LINGO2: variants seen among roughly 807,000 people sequenced by gnomAD.
LINGO2 encodes the protein leucine-rich repeat and immunoglobulin-like domain-containing nogo receptor-interacting protein 2.
Under a neutral mutation model 30.6 loss-of-function variants are expected in LINGO2, and 14 were observed. That is an observed-to-expected ratio of 0.46 (90% CI 0.30 to 0.72). The LOEUF is 0.72. LINGO2 is among the 30% of genes least tolerant of loss of function. LINGO2 has a pLI of 0.07. For synonymous variants in LINGO2, 317 were observed against 288.5 expected, an observed-to-expected ratio of 1.10 and a Z score of -1.00; for missense variants, 729 against 751.7, an observed-to-expected ratio of 0.97 and a Z score of 0.35.
intron 4 of LINGO2, among the ~76,000 whole-genome samples, chr9:28,027,582 A>G (rs1823444863): frequency 6.6e-6 from 1 of 152,154 alleles, no homozygotes; most frequent in Non-Finnish European, 1.5e-5. Flanking sequence ...GAGGCAGACA[A>G]CCCATGTTTC....
chr9:29,166,265 T>C, the LINGO2 span, among the ~76,000 whole-genome samples: 1 of 152,154 alleles, frequency 6.6e-6, no homozygotes, highest in East Asian at 1.9e-4. Flanking sequence ...GTGGATGTGA[T>C]CTTAGTTATT....
chr9:29,114,912 T>G, the LINGO2 span, among the ~76,000 whole-genome samples: 1 of 152,116 alleles, frequency 6.6e-6, no homozygotes, highest in Non-Finnish European at 1.5e-5. Context: ...TATCATCACT[T>G]ACAAAAGTAT....
chr9:28,264,803 C>T (rs1822688313), intron 4 of LINGO2, among the ~76,000 whole-genome samples: 2 of 151,948 alleles, frequency 1.3e-5, no homozygotes, highest in African/African-American at 2.4e-5. Flanking sequence ...TACTTAAACA[C>T]TAGTCTAAAT....
At chr9:27,994,977 T>G (rs1194031373) in intron 5 of LINGO2, among the ~76,000 whole-genome samples, 4 of 152,258 alleles carry the variant, frequency 2.6e-5, no homozygotes, top group African/African-American at 9.6e-5. Context: ...AATTAGTCAC[T>G]TGGCAGAATA....
chr9:28,639,153 GT>G (rs1282977065), intron 1 of LINGO2, among the ~76,000 whole-genome samples: 1 of 152,116 alleles, frequency 6.6e-6, no homozygotes, highest in Non-Finnish European at 1.5e-5. Context: ...TTAATCCTGA[GT>G]TCTAGTTTCA....
At chr9:28,547,134 C>T (rs553989984) in intron 1 of LINGO2, among the ~76,000 whole-genome samples, 108 of 152,224 alleles carry the variant, frequency 7.1e-4, no homozygotes, top group African/African-American at 2.6e-3. Flanking sequence ...TATTCCACTG[C>T]TTTTTGCCAG....
At chr9:28,589,231 A>G (rs1447197678) in intron 1 of LINGO2, among the ~76,000 whole-genome samples, 1 of 152,116 alleles carries the variant, frequency 6.6e-6, no homozygotes, top group Non-Finnish European at 1.5e-5. Flanking sequence ...TTCCCTTTGA[A>G]AACCAGCACA....
At chr9:28,904,765 T>C in the LINGO2 span, among the ~76,000 whole-genome samples, 1 of 152,108 alleles carries the variant, frequency 6.6e-6, no homozygotes, top group Admixed American at 6.6e-5. Flanking sequence ...AAAATGTGCA[T>C]ACTACCCAAA....
the LINGO2 span, among the ~76,000 whole-genome samples, chr9:28,793,718 A>G: frequency 6.6e-6 from 1 of 152,216 alleles, no homozygotes; most frequent in African/African-American, 2.4e-5. Flanking sequence ...TGAATAAAAT[A>G]TTCTATGTCT....
intron 2 of LINGO2, among the ~76,000 whole-genome samples, chr9:28,378,966 T>C (rs542756214): frequency 7.9e-5 from 12 of 152,092 alleles, no homozygotes; most frequent in Non-Finnish European, 1.5e-4. Context: ...CATCACAAAG[T>C]ACTTACAAAA....
At chr9:28,025,655 G>A (rs1425076539) in intron 4 of LINGO2, among the ~76,000 whole-genome samples, 1 of 152,184 alleles carries the variant, frequency 6.6e-6, no homozygotes, top group Non-Finnish European at 1.5e-5. Context: ...TTTCATGGTT[G>A]GAGGCCAGTT....
intron 4 of LINGO2, among the ~76,000 whole-genome samples, chr9:28,038,465 G>T (rs987360786): frequency 1.3e-5 from 2 of 152,074 alleles, no homozygotes; most frequent in African/African-American, 4.8e-5. Flanking sequence ...AGGCCGAGGC[G>T]GGCGGATCAC....
the LINGO2 span, among the ~76,000 whole-genome samples, chr9:28,992,730 A>G: frequency 6.6e-6 from 1 of 152,176 alleles, no homozygotes; most frequent in African/African-American, 2.4e-5. Flanking sequence ...CCACTCAACT[A>G]CATGGAAACT....
intron 2 of LINGO2, among the ~76,000 whole-genome samples, chr9:28,460,945 C>CT (rs1409343350): frequency 2.0e-5 from 3 of 151,974 alleles, no homozygotes; most frequent in African/African-American, 7.3e-5. Context: ...TTCAACCTAA[C>CT]TTTTTTTTAA....
At chr9:29,079,197 A>C in the LINGO2 span, among the ~76,000 whole-genome samples, 7 of 152,120 alleles carry the variant, frequency 4.6e-5, no homozygotes, top group Admixed American at 6.6e-5. Context: ...GAAGACAAGC[A>C]CCACATAAAT....
the LINGO2 span, among the ~76,000 whole-genome samples, chr9:28,681,409 T>C: frequency 6.6e-6 from 1 of 152,092 alleles, no homozygotes; most frequent in Non-Finnish European, 1.5e-5. Context: ...TGTGGTGTCC[T>C]CATAGAAGCC....
Position 28,188,485 on chromosome 9 carries a change from G to A in LINGO2, c.-87+106723C>T, listed in dbSNP as rs187167179. Among the ~76,000 whole-genome samples, 395 of 152,170 alleles carry A rather than the reference G, an allele frequency of 2.6e-3. 4 individuals carry two copies. Among genetic ancestry groups the A allele is most frequent in the African/African-American group, 9.1e-3 (376 of 41,532 alleles). On this transcript the variant is annotated intron_variant, in intron 4 of 5. Transcript: ENST00000379992. ...AAGATGACTGGGCCAGAGGGTATGG[G>A]AAGACGCCTGAGATGACTATCTTTC...
the LINGO2 span, among the ~76,000 whole-genome samples, chr9:28,801,582 G>T: frequency 6.6e-6 from 1 of 152,062 alleles, no homozygotes; most frequent in Non-Finnish European, 1.5e-5. Flanking sequence ...CTGTGGTTCA[G>T]ATCTACATTC....
chr9:29,032,378 A>C, the LINGO2 span, among the ~76,000 whole-genome samples: 1 of 152,172 alleles, frequency 6.6e-6, no homozygotes, highest in Non-Finnish European at 1.5e-5. Context: ...ATGACAATAC[A>C]TACAGCAAAG....
Sources: gnomAD v4.1 joint callset for allele counts (sites outside exome capture counted in the v4.1 genomes callset) on GRCh38, gnomAD v4.1.1 for gene constraint, MANE v1.5 for transcripts, NCBI Gene and HGNC (gene_info 2026-07-23, HGNC 2026-07-21) for gene names.